RPSA2: variants seen among roughly 807,000 people sequenced by gnomAD.
The protein encoded by RPSA2 is small ribosomal subunit protein uS2B.
the RPSA2 span, among the ~76,000 whole-genome samples, chr19:23,764,494 T>C: frequency 1.9e-4 from 29 of 152,340 alleles, no homozygotes; most frequent in East Asian, 2.3e-3. Context: ...CACTTTTTTA[T>C]TGGAGACAGA....
At chr19:23,811,040 T>C in the RPSA2 span, among the ~76,000 whole-genome samples, 4 of 148,588 alleles carry the variant, frequency 2.7e-5, no homozygotes, top group African/African-American at 5.0e-5. Context: ...GGAGTCTTGC[T>C]CTGTCACACA....
chr19:23,771,291 A>C, the RPSA2 span, among the ~76,000 whole-genome samples: 1 of 152,324 alleles, frequency 6.6e-6, no homozygotes, highest in South Asian at 2.1e-4. Flanking sequence ...GTCCATAGAG[A>C]GGTCAGTGTC....
At chr19:23,847,808 T>C in the RPSA2 span, among the ~76,000 whole-genome samples, 7 of 151,916 alleles carry the variant, frequency 4.6e-5, no homozygotes, top group African/African-American at 1.7e-4. Context: ...TTTATAGACC[T>C]CCCCCCAGGA....
chr19:23,863,065 A>G, the RPSA2 span, among the ~76,000 whole-genome samples: 1 of 152,076 alleles, frequency 6.6e-6, no homozygotes, highest in Admixed American at 6.6e-5. Context: ...TAACTGTTAG[A>G]TCTTAAGACT....
chr19:23,834,721 A>T, the RPSA2 span, among the ~76,000 whole-genome samples: 1 of 152,078 alleles, frequency 6.6e-6, no homozygotes, highest in Admixed American at 6.5e-5. Context: ...TACTATCATG[A>T]ATCCATTGAA....
At chr19:23,795,967 G>C in the RPSA2 span, among the ~76,000 whole-genome samples, 1 of 152,142 alleles carries the variant, frequency 6.6e-6, no homozygotes, top group Non-Finnish European at 1.5e-5. Flanking sequence ...ATTTTGCCAT[G>C]TCAGCCAGGT....
chr19:23,807,971 A>G, the RPSA2 span: 1 of 262,908 alleles, frequency 3.8e-6, no homozygotes, highest in South Asian at 5.6e-5. Flanking sequence ...AATTCCTTAT[A>G]TAAACTAAAG....
chr19:23,788,126 C>T, the RPSA2 span, among the ~76,000 whole-genome samples: 1 of 152,178 alleles, frequency 6.6e-6, no homozygotes, highest in African/African-American at 2.4e-5. Flanking sequence ...CTTTCTGTAC[C>T]TGTCCACAGT....
At chr19:23,778,114 A>G in the RPSA2 span, among the ~76,000 whole-genome samples, 2 of 152,200 alleles carry the variant, frequency 1.3e-5, no homozygotes, top group South Asian at 4.1e-4. Flanking sequence ...TGCAGTGACC[A>G]GAACCAATGT....
chr19:23,805,593 G>C, the RPSA2 span, among the ~76,000 whole-genome samples: 1 of 152,032 alleles, frequency 6.6e-6, no homozygotes, highest in Non-Finnish European at 1.5e-5. Context: ...AAGTTTTTAA[G>C]GCATATTCTC....
chr19:23,849,132 G>C, the RPSA2 span, among the ~76,000 whole-genome samples: 1 of 152,212 alleles, frequency 6.6e-6, no homozygotes, highest in Non-Finnish European at 1.5e-5. Flanking sequence ...ACATTGGGCA[G>C]TTTGTCCAAA....
At chr19:23,802,300 C>T in the RPSA2 span, among the ~76,000 whole-genome samples, 1 of 152,188 alleles carries the variant, frequency 6.6e-6, no homozygotes, top group South Asian at 2.1e-4. Context: ...ACTATAGCTA[C>T]CTGGAAAATG....
the RPSA2 span, among the ~76,000 whole-genome samples, chr19:23,784,297 C>A: frequency 6.6e-6 from 1 of 152,202 alleles, no homozygotes; most frequent in Non-Finnish European, 1.5e-5. Flanking sequence ...TTGCATTTGT[C>A]CTATGCACAG....
At chr19:23,836,989 A>G in the RPSA2 span, among the ~76,000 whole-genome samples, 1 of 152,036 alleles carries the variant, frequency 6.6e-6, no homozygotes, top group South Asian at 2.1e-4. Context: ...TAGTTTAATT[A>G]GGTCCCAGCT....
chr19:23,830,603 T>G, the RPSA2 span, among the ~76,000 whole-genome samples: 1 of 152,092 alleles, frequency 6.6e-6, no homozygotes, highest in Non-Finnish European at 1.5e-5. Context: ...TCTATTAGTT[T>G]TTTTTAAATT....
At chr19:23,761,923 T>TCTTTCTTTCTTTCTTTCTTTCTTTCTTTC in the RPSA2 span, among the ~76,000 whole-genome samples, 11 of 63,556 alleles carry the variant, frequency 1.7e-4, 1 homozygote, top group South Asian at 6.3e-4. Context: ...TTTCTTTCTT[T>TCTTTCTTTCTTTCTTTCTTTCTTTCTTTC]TTTTTTTTTT....
the RPSA2 span, chr19:23,842,806 A>G: frequency 6.6e-6 from 1 of 152,222 alleles, no homozygotes; most frequent in Non-Finnish European, 1.5e-5. Context: ...TTGACGGTTT[A>G]TTGAAATAGA....
chr19:23,824,885 C>T, the RPSA2 span, among the ~76,000 whole-genome samples: 1 of 150,766 alleles, frequency 6.6e-6, no homozygotes, highest in Non-Finnish European at 1.5e-5. Flanking sequence ...CTTCAAATAA[C>T]CTCTGTATTT....
the RPSA2 span, among the ~76,000 whole-genome samples, chr19:23,852,032 ACT>A: frequency 6.6e-6 from 1 of 152,044 alleles, no homozygotes; most frequent in Non-Finnish European, 1.5e-5. Flanking sequence ...AGAAAACACC[ACT>A]CTACTAAATC....
Sources: gnomAD v4.1 joint callset for allele counts (sites outside exome capture counted in the v4.1 genomes callset) on GRCh38, gnomAD v4.1.1 for gene constraint, MANE v1.5 for transcripts, NCBI Gene and HGNC (gene_info 2026-07-23, HGNC 2026-07-21) for gene names.